The following INSRR variants were observed in gnomAD, a reference collection of about 807,000 sequenced individuals.
INSRR encodes the protein insulin receptor-related protein.
In INSRR, 114 loss-of-function variants were observed where a neutral mutation model predicts 130.0. The observed-to-expected ratio is 0.88, with a 90% confidence interval of 0.75 to 1.02. INSRR has a LOEUF of 1.02. INSRR is among the 50% of genes least tolerant of loss of function. The pLI is 0.00. For missense variants in INSRR, 1,657 were observed against 1,735.2 expected, an observed-to-expected ratio of 0.95 and a Z score of 0.80; for synonymous variants, 674 against 705.2, an observed-to-expected ratio of 0.96 and a Z score of 0.70.
Position 156,845,503 on chromosome 1 carries a change from C to T in INSRR, c.2175-90G>A. The T allele has an allele frequency of 1.0e-5, 15 of 1,493,566 alleles. No individual in the cohort carries two copies. The South Asian group carries it at 1.9e-4, about 19-fold the overall frequency. The allele number at this position is 1,493,566 out of a possible 1,614,324, so 92.5% of individuals were successfully genotyped here. ...GTACCGCCTCCAAAAGCACCCACAA[C>T]CCGGGACCCGCCCACACAAGCAAGG... On this transcript the variant is annotated intron_variant, in intron 10 of 21. Transcript: ENST00000368195.
At chr1:156,843,619 G>A (rs1654881214) in intron 15 of INSRR, 140 bp from the exon 16 acceptor site, 2 of 860,958 alleles carry the variant, frequency 2.3e-6, no homozygotes, top group Admixed American at 1.9e-5. Flanking sequence ...GACTCCTGGG[G>A]ATCCCTAAGT....
At chr1:156,842,935 C>A (rs913059285) in intron 17 of INSRR, 69 bp downstream of exon 17, 110 of 1,242,102 alleles carry the variant, frequency 8.9e-5, no homozygotes, top group Non-Finnish European at 1.2e-4. Flanking sequence ...TCATCTCTGA[C>A]CCTTTCTTTC....
In INSRR at chr1:156,854,364, C is replaced by T. The variant is rs1655339057; in HGVS notation, c.86-61G>A. 2 of 1,492,676 alleles carry T rather than the reference C, an allele frequency of 1.3e-6. No individual in the cohort carries two copies. Among genetic ancestry groups the T allele is most frequent in the Non-Finnish European group, 1.8e-6 (2 of 1,112,764 alleles). 92.5% of individuals were successfully genotyped at this position (1,492,676 alleles called of 1,614,324 possible). A position where few individuals can be genotyped will look rare whatever the true frequency, so the allele number is the denominator to read the frequency against. ...CCCAGGCCAAATTCCCCATCCAGCC[C>T]TGGCAGCTTTGGAGGGGAGCCACAC... On this transcript the variant is annotated intron_variant, in intron 1 of 21. Coordinates refer to ENST00000368195, the MANE Select transcript of INSRR (RefSeq NM_014215.3). This position sits in a 1 kb window ranked among gnomAD's most constrained non-coding sequence, Gnocchi z 4.2.
Position 156,854,420 on chromosome 1 carries a change from C to A in INSRR, c.86-117G>T. On this transcript the variant is annotated intron_variant, in intron 1 of 21. Transcript: ENST00000368195. This position sits in a 1 kb window ranked among gnomAD's most constrained non-coding sequence, Gnocchi z 4.2. ...GTAGGACAATGAGTGAGGAGCCGGGCTCTGCTCTGGGTGTGGGGTGGCCTC... is the reference window on the plus strand; with the variant it reads ...GTAGGACAATGAGTGAGGAGCCGGGATCTGCTCTGGGTGTGGGGTGGCCTC... The A allele has an allele frequency of 8.9e-7, 1 of 1,125,634 alleles. No homozygotes were observed. Among genetic ancestry groups the A allele is most frequent in the Non-Finnish European group, 1.2e-6 (1 of 805,230 alleles). 69.7% of individuals were successfully genotyped at this position (1,125,634 alleles called of 1,614,324 possible).
rs113794909 is a variant in INSRR, at chr1:156,841,263, G to A, written c.3662+131C>T. 4.9e-3 allele frequency: 5,031 copies of A among 1,028,262 alleles called. 170 individuals are homozygous for A. The African/African-American group carries it at 0.067, about 14-fold the overall frequency. 63.7% of individuals were successfully genotyped at this position (1,028,262 alleles called of 1,614,324 possible). ...TGGGAGTCTTGGGGGTTTGGGATAG[G>A]GGGGTGGCGCTCATAGCTGAGGGTC... On this transcript the variant is annotated intron_variant, in intron 21 of 21. Coordinates refer to ENST00000368195, the MANE Select transcript of INSRR (RefSeq NM_014215.3).
In INSRR at chr1:156,854,605, G is replaced by A. The variant is rs147564417; in HGVS notation, c.86-302C>T. On this transcript the variant is annotated intron_variant, in intron 1 of 21. Coordinates refer to ENST00000368195, the MANE Select transcript of INSRR (RefSeq NM_014215.3). The surrounding 1 kb of genome is among the most constrained non-coding windows in gnomAD (Gnocchi z 4.2). ...AGTCAGGCTCCCAACGACTGCAAGC[G>A]ACTCCCAGCGACTTCATTCTTGCAG... is the stretch of plus-strand genomic sequence containing the variant. 5.3e-5 allele frequency among the ~76,000 whole-genome samples: 8 copies of A among 152,282 alleles called. No individual in the cohort carries two copies. The East Asian group carries it at 1.3e-3, about 26-fold the overall frequency.
chr1:156,852,245 T>C (rs1433310444), intron 2 of INSRR, 54 bp from the exon 3 acceptor site: 16 of 1,506,652 alleles, frequency 1.1e-5, no homozygotes, highest in Admixed American at 1.9e-5. Context: ...GTCCTGGCTG[T>C]CCTTCCAATG....
intron 5 of INSRR, chr1:156,851,052 A>G (rs1655187274): frequency 1.8e-6 from 1 of 566,132 alleles, no homozygotes; most frequent in Admixed American, 2.9e-5. Flanking sequence ...GCATTGTTTT[A>G]TGTGCTTTAC....
intron 21 of INSRR, 89 bp from the exon 22 acceptor site, chr1:156,841,193 G>T: frequency 1.8e-6 from 2 of 1,093,918 alleles, no homozygotes; most frequent in South Asian, 1.4e-5. Context: ...TGGTGGGAGT[G>T]GGGATCGTGG....
chr1:156,848,889 G>GC (rs1655102542), intron 7 of INSRR, 32 bp downstream of exon 7: 2 of 1,506,710 alleles, frequency 1.3e-6, no homozygotes, highest in African/African-American at 2.8e-5. Context: ...GTCCGGTCCC[G>GC]CCCCCGCTCC....
chr1:156,849,271 G>A lies in INSRR; in HGVS notation c.1419C>T (p.Pro473=). 1.9e-6 allele frequency: 3 copies of A among 1,613,964 alleles called. No individual in the cohort carries two copies. In the South Asian group the frequency reaches 3.3e-5, roughly 18 times the overall value. Reference sequence around the variant, plus strand: ...AGGCGGCGCGGTCTCCGTTGGTGCGGGGGTTGATCTCAGCCTTGTTCTGCC... The same window carrying A: ...AGGCGGCGCGGTCTCCGTTGGTGCGAGGGTTGATCTCAGCCTTGTTCTGCC... The part of the protein sequence containing the change: ...RGRQNKAEIN[P]RTNGDRAACQ... Residue 473 remains proline, a synonymous_variant, in exon 6 of 22, where the codon CCC becomes CCT. Transcript: ENST00000368195.
At chr1:156,856,784 T>C (rs573770784) in intron 1 of INSRR, among the ~76,000 whole-genome samples, 9 of 152,320 alleles carry the variant, frequency 5.9e-5, no homozygotes, top group African/African-American at 2.2e-4. Context: ...GATGTCTGGA[T>C]CCCAAGTTCA....
At chr1:156,858,007 A>C (rs747396584) in intron 1 of INSRR, among the ~76,000 whole-genome samples, 9 of 151,916 alleles carry the variant, frequency 5.9e-5, no homozygotes, top group Non-Finnish European at 1.3e-4. Flanking sequence ...GTCTTCCCCC[A>C]AAACCAGCCT....
At position 156,842,047 on chromosome 1, in the gene INSRR, A is replaced by G. The variant is rs1365849970; in HGVS notation, c.3397+65T>C. 12 of 1,603,670 alleles carry G rather than the reference A, an allele frequency of 7.5e-6. No homozygotes were observed. The Admixed American group carries it at 1.5e-4, about 21-fold the overall frequency. ...CAGGACCAGGGCTGTGGGTCTCCTG[A>G]TGCCTAGCTTAAGGGAGTCTCTCTA... is the stretch of plus-strand genomic sequence containing the variant. On this transcript the variant is annotated intron_variant, in intron 19 of 21. Transcript: ENST00000368195.
In INSRR at chr1:156,841,398, G is replaced by T. The variant is rs928486334; in HGVS notation, c.3658C>A (p.Gln1220Lys). The T allele has an allele frequency of 1.9e-6, 3 of 1,613,604 alleles. No homozygotes were observed. Among genetic ancestry groups the T allele is most frequent in the Non-Finnish European group, 2.5e-6 (3 of 1,179,772 alleles). ...VLEELEGCPL[Q>K]LQELMSRCWQ... ...GGGGCAGGGGAGGTGACTCACAGCT[G>T]AAGGGGACAGCCCTCCAGCTCCTCC... The change falls in exon 21 of 22, where the codon CAG becomes AAG. Residue 1220 changes from glutamine (Q) to lysine (K), a missense_variant. Coordinates refer to ENST00000368195, the MANE Select transcript of INSRR (RefSeq NM_014215.3).
intron 12 of INSRR, 22 bp downstream of exon 12, chr1:156,845,054 G>A: frequency 6.3e-7 from 1 of 1,590,592 alleles, no homozygotes; most frequent in Non-Finnish European, 8.6e-7. Context: ...GGGGGTAGAA[G>A]GTGTGTGTGT....
At chr1:156,857,109 C>T (rs888970443) in intron 1 of INSRR, among the ~76,000 whole-genome samples, 3 of 151,184 alleles carry the variant, frequency 2.0e-5, no homozygotes, top group African/African-American at 7.3e-5. Context: ...TACTTCACAT[C>T]TTCTCCCTGT....
intron 2 of INSRR, among the ~76,000 whole-genome samples, chr1:156,853,179 C>T (rs1480903993): frequency 1.3e-5 from 2 of 152,146 alleles, no homozygotes; most frequent in Non-Finnish European, 2.9e-5. Context: ...CCTTTCTTCT[C>T]CTGCTCACCC....
At chr1:156,851,545 G>A in intron 4 of INSRR, 101 bp downstream of exon 4, 1 of 1,605,868 alleles carries the variant, frequency 6.2e-7, no homozygotes. Flanking sequence ...CTGGGACCCA[G>A]GATGATGGAA....
Sources: allele counts gnomAD v4.1 joint callset (sites outside exome capture counted in the v4.1 genomes callset), GRCh38; gene constraint gnomAD v4.1.1; non-coding constraint Gnocchi (gnomAD v3.1); transcripts MANE v1.5; gene names NCBI Gene and HGNC (gene_info 2026-07-23, HGNC 2026-07-21).